Variants in PUS1 observed in about 807,000 individuals in gnomAD.
PUS1 encodes pseudouridine synthase 1, also known as pseudouridylate synthase 1 homolog.
PUS1 carries 25 observed loss-of-function variants against 38.5 expected under a neutral mutation model. The ratio of observed to expected loss-of-function variants is 0.65; its 90% CI spans 0.47 to 0.91. The LOEUF is 0.91. PUS1 is among the 40% of genes least tolerant of loss of function. The pLI, the probability that PUS1 is intolerant of heterozygous loss-of-function variation, is 0.00. For synonymous variants in PUS1, 282 were observed against 260.4 expected, an observed-to-expected ratio of 1.08 and a Z score of -0.80; for missense variants, 597 against 612.3, an observed-to-expected ratio of 0.97 and a Z score of 0.26.
chr12:131,931,857 T>G (rs1269143297), intron 2 of PUS1: 1 of 587,788 alleles, frequency 1.7e-6, no homozygotes, highest in Non-Finnish European at 3.0e-6. Flanking sequence ...TCAATGTTTT[T>G]TTTTTAAAGT....
chr12:131,935,474 C>T (rs1890782710), intron 3 of PUS1, among the ~76,000 whole-genome samples: 1 of 152,212 alleles, frequency 6.6e-6, no homozygotes, highest in Admixed American at 6.5e-5. Context: ...GGCACGGTCA[C>T]ACCCGAGTGC....
In PUS1 at chr12:131,929,345, C is replaced by A. The variant is rs1890469055; in HGVS notation, c.-378C>A. Reference sequence around the variant, plus strand: ...CCGACGCGGGTGGCCCGGGTCTCCTCGACTCCTGAGGAAAGCCCACCGGGC... The same window carrying A: ...CCGACGCGGGTGGCCCGGGTCTCCTAGACTCCTGAGGAAAGCCCACCGGGC... On this transcript the variant is annotated 5_prime_UTR_variant, in exon 1 of 6. An upstream open reading frame in the 5' UTR gains an earlier in-frame stop. Coordinates refer to ENST00000376649, the MANE Select transcript of PUS1 (RefSeq NM_025215.6). 4.2e-6 allele frequency: 1 copy of A among 238,436 alleles called. No homozygotes were observed. The highest frequency in any genetic ancestry group is 8.1e-6 in the Non-Finnish European group (1 of 123,908). The allele number at this position is 238,436 out of a possible 1,614,324, so 14.8% of individuals were successfully genotyped here. A position where few individuals can be genotyped will look rare whatever the true frequency, so the allele number is the denominator to read the frequency against.
chr12:131,943,585 G>C lies in PUS1; in HGVS notation c.1283G>C (p.Ter428SerextTer11). The change falls in exon 6 of 6, where the codon TGA (stop) becomes TCA (serine). Residue 428 changes from the stop codon to serine, a stop_lost. Transcript: ENST00000376649. ...EGSEGDGDTD[*>S] ...AGTGAAGGGGACGGAGACACTGACT[G>C]AGGCGATGGGAGCTGCCCACCAGAG... 1 of 1,613,062 alleles carries C rather than the reference G, an allele frequency of 6.2e-7. No individual in the cohort carries two copies. Among genetic ancestry groups the C allele is most frequent in the Non-Finnish European group, 8.5e-7 (1 of 1,179,392 alleles).
rs766855906 is a variant in PUS1, at chr12:131,941,219, G to A, written c.545-73G>A. 2.6e-5 allele frequency: 35 copies of A among 1,346,974 alleles called. No homozygotes were observed. The highest frequency in any genetic ancestry group is 1.8e-4 in the Middle Eastern group (1 of 5,606). 83.4% of individuals were successfully genotyped at this position (1,346,974 alleles called of 1,614,324 possible). On this transcript the variant is annotated intron_variant, in intron 4 of 5. Coordinates refer to ENST00000376649, the MANE Select transcript of PUS1 (RefSeq NM_025215.6). The surrounding 1 kb of genome is among the most constrained non-coding windows in gnomAD (Gnocchi z 4.4). ...GTAAGGAGACGCTGGGGCTCACGCCGTGCTCAGGCTGCTCCCTGGTCATCC... is the reference window on the plus strand; with the variant it reads ...GTAAGGAGACGCTGGGGCTCACGCCATGCTCAGGCTGCTCCCTGGTCATCC...
Position 131,941,918 on chromosome 12 carries a change from C to T in PUS1, c.1171C>T (p.Leu391=), listed in dbSNP as rs755302502. ...GGACGAACGCTCCATGGCCCAGTGG[C>T]TGAGCACCTTGCCCATCCACAACTT... The part of the protein sequence containing the change: ...ERDERSMAQW[L]STLPIHNFSA... Residue 391 remains leucine, a synonymous_variant, in exon 5 of 6, where the codon CTG becomes TTG. Coordinates refer to ENST00000376649, the MANE Select transcript of PUS1 (RefSeq NM_025215.6). The surrounding 1 kb of genome is among the most constrained non-coding windows in gnomAD (Gnocchi z 4.4). 15 of 1,612,984 alleles carry T rather than the reference C, an allele frequency of 9.3e-6. No individual in the cohort carries two copies. In the Admixed American group the frequency reaches 2.3e-4, roughly 25 times the overall value.
At chr12:131,931,802 A>C in intron 2 of PUS1, 4 of 370,540 alleles carry the variant, frequency 1.1e-5, no homozygotes, top group East Asian at 5.6e-5. Flanking sequence ...AAGTGCTGGG[A>C]TTACAGGTGT....
intron 3 of PUS1, among the ~76,000 whole-genome samples, chr12:131,938,524 C>T (rs1890927328): frequency 6.6e-6 from 1 of 152,136 alleles, no homozygotes. Flanking sequence ...GTGTGCGAGT[C>T]TTAAGTGTAA....
At position 131,943,584 on chromosome 12, in the gene PUS1, T is replaced by A. The variant is rs1338105589; in HGVS notation, c.1282T>A (p.Ter428ArgextTer11). The change falls in exon 6 of 6, where the codon TGA becomes AGA. Residue 428 changes from the stop codon to arginine, a stop_lost. Coordinates refer to ENST00000376649, the MANE Select transcript of PUS1 (RefSeq NM_025215.6). ...EGSEGDGDTD[*>R] ...CAGTGAAGGGGACGGAGACACTGAC[T>A]GAGGCGATGGGAGCTGCCCACCAGA... The A allele has an allele frequency of 3.7e-6, 6 of 1,613,102 alleles. No individual in the cohort carries two copies. Among genetic ancestry groups the A allele is most frequent in the African/African-American group, 2.7e-5 (2 of 74,930 alleles).
intron 3 of PUS1, among the ~76,000 whole-genome samples, chr12:131,937,168 C>T (rs189153903): frequency 6.6e-6 from 1 of 151,654 alleles, no homozygotes; most frequent in East Asian, 2.0e-4. Context: ...GCCAGTGTAA[C>T]ATCTCAACAG....
chr12:131,930,470 C>G (rs1890552761), intron 2 of PUS1, among the ~76,000 whole-genome samples: 1 of 152,200 alleles, frequency 6.6e-6, no homozygotes, highest in South Asian at 2.1e-4. Flanking sequence ...ACGCTCGGTG[C>G]TGAGAACAGT....
Position 131,939,263 on chromosome 12 carries a change from A to T in PUS1, c.532A>T (p.Ile178Phe), listed in dbSNP as rs1225957774. The T allele has an allele frequency of 5.8e-6, 9 of 1,555,750 alleles. No individual in the cohort carries two copies. Among genetic ancestry groups the T allele is most frequent in the Middle Eastern group, 1.7e-4 (1 of 6,000 alleles). The change falls in exon 4 of 6, where the codon ATT (isoleucine) becomes TTT (phenylalanine). Residue 178 changes from isoleucine (I) to phenylalanine (F), a missense_variant. Physicochemically the swap from Ile to Phe is conservative, Grantham distance 21. Transcript: ENST00000376649. ...GATCAACAGCCACCTTCCCTCTCAC[A>T]TTCGGATTCTGGGTAAGCCTTGCAG... ...EKINSHLPSH[I>F]RILGLKRVTG...
intron 3 of PUS1, chr12:131,932,871 A>G: frequency 2.2e-6 from 1 of 446,332 alleles, no homozygotes; most frequent in Non-Finnish European, 4.5e-6. Context: ...GTTATAAAGA[A>G]CTGCTCAAGA....
At chr12:131,931,909 G>A in intron 2 of PUS1, 1 of 600,590 alleles carries the variant, frequency 1.7e-6, no homozygotes, top group Middle Eastern at 4.4e-4. Context: ...CTGACAGATT[G>A]TGGAAGTAGG....
chr12:131,937,801 C>T (rs1890896476), intron 3 of PUS1, among the ~76,000 whole-genome samples: 1 of 152,128 alleles, frequency 6.6e-6, no homozygotes, highest in Non-Finnish European at 1.5e-5. Context: ...CTACCTTAGC[C>T]TCCCAAAGTA....
chr12:131,942,599 G>A (rs1593297842), intron 5 of PUS1, among the ~76,000 whole-genome samples: 1 of 152,036 alleles, frequency 6.6e-6, no homozygotes. Context: ...GTAGAGATGG[G>A]GTTTCACCAT....
chr12:131,932,914 G>A, intron 3 of PUS1: 1 of 398,550 alleles, frequency 2.5e-6, no homozygotes, highest in South Asian at 1.8e-5. Context: ...AGGTTGAATT[G>A]ACTCAGTTCC....
At chr12:131,939,375 C>A in intron 4 of PUS1, 100 bp downstream of exon 4, 2 of 817,376 alleles carry the variant, frequency 2.4e-6, no homozygotes, top group Non-Finnish European at 4.1e-6. Flanking sequence ...GTCTCTGATG[C>A]AGAAGCGTAG....
chr12:131,944,815 G>C lies in PUS1; in HGVS notation c.*1229G>C, dbSNP rs1891231984. ...TTACTGGAAGACCCCACCAGCCGCT[G>C]CTGCACGTCATTGGTCACAGGTGCA... On this transcript the variant is annotated 3_prime_UTR_variant, in exon 6 of 6. Transcript: ENST00000376649. 6.6e-6 allele frequency: 1 copy of C among 152,374 alleles called. No individual in the cohort carries two copies. The highest frequency in any genetic ancestry group is 1.5e-5 in the Non-Finnish European group (1 of 68,138). The allele number at this position is 152,374 out of a possible 1,614,324, so 9.4% of individuals were successfully genotyped here. A position where few individuals can be genotyped will look rare whatever the true frequency, so the allele number is the denominator to read the frequency against.
rs968259748 is a variant in PUS1, at chr12:131,945,133, C to T, written c.*1547C>T. ...ACAATGCATGTGACTAATGCGCAGTCGCCTGTCGCCCCAGCAGTGCGTGAG... is the reference window on the plus strand; with the variant it reads ...ACAATGCATGTGACTAATGCGCAGTTGCCTGTCGCCCCAGCAGTGCGTGAG... On this transcript the variant is annotated 3_prime_UTR_variant, in exon 6 of 6. Coordinates refer to ENST00000376649, the MANE Select transcript of PUS1 (RefSeq NM_025215.6). The T allele has an allele frequency of 2.6e-5, 4 of 152,348 alleles. No individual in the cohort carries two copies. The highest frequency in any genetic ancestry group is 4.4e-5 in the Non-Finnish European group (3 of 68,084). 9.4% of individuals were successfully genotyped at this position (152,348 alleles called of 1,614,324 possible).
Sources: gnomAD v4.1 joint callset for allele counts (sites outside exome capture counted in the v4.1 genomes callset) on GRCh38, gnomAD v4.1.1 for gene constraint, Gnocchi (gnomAD v3.1) non-coding constraint, MANE v1.5 for transcripts, NCBI Gene and HGNC (gene_info 2026-07-23, HGNC 2026-07-21) for gene names.